LCP2: variants seen among roughly 807,000 people sequenced by gnomAD.
The protein encoded by LCP2 is 76 kDa tyrosine phosphoprotein.
In LCP2, 29 loss-of-function variants were observed where a neutral mutation model predicts 74.5. The observed-to-expected ratio is 0.39, with a 90% CI of 0.29 to 0.53. The LOEUF (loss-of-function observed/expected upper bound fraction) is 0.53, where lower values mean the gene tolerates loss of function less well. Among genes scored for constraint, LCP2 ranks in the 20% least tolerant of loss-of-function variants. The probability of loss-of-function intolerance (pLI) is 0.72; values close to 1 mark genes in which losing one functional copy is unlikely to be tolerated. For synonymous variants in LCP2, 228 were observed against 229.5 expected (o/e 0.99, Z 0.06); for missense variants, 604 against 634.6 (o/e 0.95, Z 0.52).
intron 3 of LCP2, among the ~76,000 whole-genome samples, chr5:170,280,419 C>T (rs967010720): frequency 2.6e-5 from 4 of 152,248 alleles, no homozygotes; most frequent in East Asian, 1.9e-4. Flanking sequence ...GTGTTCTTTC[C>T]GTCTTTAAAG....
intron 3 of LCP2, among the ~76,000 whole-genome samples, chr5:170,276,761 A>C (rs1431818161): frequency 1.3e-5 from 2 of 152,154 alleles, no homozygotes; most frequent in African/African-American, 4.8e-5. Context: ...TTAGTAGTCA[A>C]TAGGCTTAGT....
intron 13 of LCP2, among the ~76,000 whole-genome samples, chr5:170,261,788 G>A (rs1295510983): frequency 6.6e-6 from 1 of 152,186 alleles, no homozygotes; most frequent in African/African-American, 2.4e-5. Flanking sequence ...TGTCCTCTCT[G>A]GGGAGAAGGG....
At chr5:170,260,804 T>G (rs1761636510) in intron 14 of LCP2, among the ~76,000 whole-genome samples, 1 of 152,204 alleles carries the variant, frequency 6.6e-6, no homozygotes, top group African/African-American at 2.4e-5. Flanking sequence ...GGCCTTCCCT[T>G]ACTTTATCCT....
At chr5:170,287,843 T>G (rs1762209228) in intron 3 of LCP2, 127 bp downstream of exon 3, 2 of 851,006 alleles carry the variant, frequency 2.4e-6, no homozygotes, top group Admixed American at 2.0e-5. Flanking sequence ...GCCCTTGCCC[T>G]CATCCTTCCT....
At chr5:170,292,701 A>T (rs1762311773) in intron 2 of LCP2, among the ~76,000 whole-genome samples, 2 of 152,204 alleles carry the variant, frequency 1.3e-5, no homozygotes, top group Admixed American at 1.3e-4. Flanking sequence ...CATTTCAGGG[A>T]AAATGCTCAA....
intron 1 of LCP2, among the ~76,000 whole-genome samples, chr5:170,295,417 C>T (rs779816416): frequency 6.6e-6 from 1 of 152,208 alleles, no homozygotes; most frequent in Non-Finnish European, 1.5e-5. Flanking sequence ...TTGCTTTAAT[C>T]CTCACAACCA....
intron 3 of LCP2, among the ~76,000 whole-genome samples, chr5:170,277,396 C>A (rs1762024988): frequency 6.6e-6 from 1 of 152,156 alleles, no homozygotes; most frequent in Non-Finnish European, 1.5e-5. Flanking sequence ...TTAGCAGCCA[C>A]CATTTCTCGA....
At chr5:170,286,724 G>A (rs73804030) in intron 3 of LCP2, among the ~76,000 whole-genome samples, 10,889 of 152,126 alleles carry the variant, frequency 0.072, 455 homozygotes, top group Non-Finnish European at 0.098. Flanking sequence ...TCCCCCTTCC[G>A]GACAAGGGAA....
Position 170,268,393 on chromosome 5 carries a change from TC to T in LCP2, c.612del (p.Asn205IlefsTer31). 1 of 626,018 alleles carries T rather than the reference TC, an allele frequency of 1.6e-6. No homozygotes were observed. The highest frequency in any genetic ancestry group is 2.1e-6 in the Non-Finnish European group (1 of 484,698). The allele number at this position is 626,018 out of a possible 1,614,324, so 38.8% of individuals were successfully genotyped here. ...MAALPPPPAG[R>X]NHSPLPPPQT... Reference sequence around the variant, plus strand: ...AACGGGAGGAGGCCTACCGAGTGATTCCGGCCGGCTGGTGGGGGCGGGAGGG... The same window carrying T: ...AACGGGAGGAGGCCTACCGAGTGATTCGGCCGGCTGGTGGGGGCGGGAGGG... On this transcript the variant is annotated frameshift_variant, in exon 8 of 21. Transcript: ENST00000046794. LOFTEE classifies it high-confidence loss of function.
chr5:170,250,586 T>C lies in LCP2; in HGVS notation c.1479+144A>G, dbSNP rs1400913583. The C allele has an allele frequency of 4.6e-6, 3 of 655,852 alleles. No individual in the cohort carries two copies. The African/African-American group carries it at 5.5e-5, about 12-fold the overall frequency. The allele number at this position is 655,852 out of a possible 1,614,324, so 40.6% of individuals were successfully genotyped here. On this transcript the variant is annotated intron_variant, in intron 20 of 20. Coordinates refer to ENST00000046794, the MANE Select transcript of LCP2 (RefSeq NM_005565.5). ...CATTGTAAAGATTTTGCTTTATTTC[T>C]CTTCCAATAAATGAAGGGCTTCACT...
At chr5:170,258,942 A>C in intron 14 of LCP2, 64 bp from the exon 15 acceptor site, 2 of 1,133,608 alleles carry the variant, frequency 1.8e-6, no homozygotes, top group Non-Finnish European at 2.6e-6. Flanking sequence ...TAAAATAAAA[A>C]CTGCATTTCT....
intron 8 of LCP2, among the ~76,000 whole-genome samples, chr5:170,267,588 C>G (rs906541512): frequency 2.0e-5 from 3 of 151,966 alleles, no homozygotes; most frequent in Non-Finnish European, 2.9e-5. Context: ...CCTCCCCCCC[C>G]CATACCGTCA....
At chr5:170,252,607 C>T (rs1029290731) in intron 18 of LCP2, 96 bp from the exon 19 acceptor site, 1 of 639,528 alleles carries the variant, frequency 1.6e-6, no homozygotes, top group Non-Finnish European at 2.8e-6. Context: ...TAAATCAACA[C>T]CTCAATTCCA....
chr5:170,289,629 CT>C (rs1762245234), intron 2 of LCP2, among the ~76,000 whole-genome samples: 3 of 101,210 alleles, frequency 3.0e-5, no homozygotes, highest in Admixed American at 1.0e-4. Context: ...TTCTTTCTTT[CT>C]TTCTTTCTTT....
intron 3 of LCP2, among the ~76,000 whole-genome samples, chr5:170,278,673 G>A (rs371117504): frequency 1.3e-3 from 200 of 152,232 alleles, no homozygotes; most frequent in African/African-American, 4.4e-3. Flanking sequence ...CAGCTCACAA[G>A]GCTGCTTTGG....
intron 3 of LCP2, among the ~76,000 whole-genome samples, chr5:170,285,791 CTAA>C (rs1762173788): frequency 6.6e-6 from 1 of 152,132 alleles, no homozygotes; most frequent in Admixed American, 6.5e-5. Context: ...CTGTGCTTTG[CTAA>C]AGAGGGGCCC....
At chr5:170,286,246 A>C (rs1023461268) in intron 3 of LCP2, among the ~76,000 whole-genome samples, 4 of 152,218 alleles carry the variant, frequency 2.6e-5, no homozygotes, top group African/African-American at 7.2e-5. Context: ...GGCAGCAGAC[A>C]TCAGATCCGG....
intron 20 of LCP2, among the ~76,000 whole-genome samples, chr5:170,250,378 T>C (rs1485059336): frequency 6.6e-6 from 1 of 152,212 alleles, no homozygotes; most frequent in African/African-American, 2.4e-5. Context: ...CCAGGTGGTG[T>C]CAACTTAAAA....
intron 2 of LCP2, among the ~76,000 whole-genome samples, chr5:170,292,487 C>A (rs1351092741): frequency 6.6e-6 from 1 of 152,094 alleles, no homozygotes. Flanking sequence ...ATCCAACTGG[C>A]CTGAAGTCTC....
Sources: gnomAD v4.1 joint callset for allele counts (sites outside exome capture counted in the v4.1 genomes callset) on GRCh38, gnomAD v4.1.1 for gene constraint, MANE v1.5 for transcripts, NCBI Gene and HGNC (gene_info 2026-07-23, HGNC 2026-07-21) for gene names.